MICU2: variants seen among roughly 807,000 people sequenced by gnomAD.
The protein encoded by MICU2 is calcium uptake protein 2, mitochondrial.
Under a neutral mutation model 60.4 loss-of-function variants are expected in MICU2, and 64 were observed. That is an observed-to-expected ratio of 1.06 (90% confidence interval 0.87 to 1.31). The LOEUF is 1.31. MICU2 is among the 50% of genes most tolerant of loss of function. The pLI is 0.00. For missense variants in MICU2, 569 were observed against 531.0 expected (o/e 1.07, Z -0.70); for synonymous variants, 201 against 175.0 (o/e 1.15, Z -1.17).
chr13:21,565,068 G>C (rs541590727), intron 2 of MICU2, among the ~76,000 whole-genome samples: 1 of 152,290 alleles, frequency 6.6e-6, no homozygotes, highest in South Asian at 2.1e-4. Context: ...AATCTAACAG[G>C]AATTCACAAC....
At position 21,493,300 on chromosome 13, in the gene MICU2, G is replaced by A. The variant is rs148469540; in HGVS notation, c.1254C>T (p.Ser418=). The change falls in exon 12 of 12, where the codon AGC becomes AGT. Residue 418 remains serine, a synonymous_variant. Coordinates refer to ENST00000382374, the MANE Select transcript of MICU2 (RefSeq NM_152726.3). ...TCCAGACTTCTTTTACTCCTTTAATGCTTTCTTTCTTCACACACTTCCAGT... is the reference window on the plus strand; with the variant it reads ...TCCAGACTTCTTTTACTCCTTTAATACTTTCTTTCTTCACACACTTCCAGT... ...QEYWKCVKKE[S]IKGVKEVWKQ... is the part of the protein sequence containing the mutation. 82 of 1,610,658 alleles carry A rather than the reference G, an allele frequency of 5.1e-5. No individual in the cohort carries two copies. In the African/African-American group the frequency reaches 1.0e-3, roughly 20 times the overall value.
Position 21,496,126 on chromosome 13 carries a change from TG to T in MICU2, c.967del (p.His323IlefsTer18), listed in dbSNP as rs771923607. ...AAAGTCTTCCAAGTGGGTTGTAAAATGGCAAAATGACTTGAATTCATCCAAA... is the reference window on the plus strand; with the variant it reads ...AAAGTCTTCCAAGTGGGTTGTAAAATGCAAAATGACTTGAATTCATCCAAA... ...ISLDEFKSFCHFTTHLEDFAI... is the reference protein window; with the variant it reads ...ISLDEFKSFCXFTTHLEDFAI... On this transcript the variant is annotated frameshift_variant, in exon 10 of 12. Coordinates refer to ENST00000382374, the MANE Select transcript of MICU2 (RefSeq NM_152726.3). LOFTEE classifies it high-confidence loss of function. 5 of 1,614,018 alleles carry T rather than the reference TG, an allele frequency of 3.1e-6. No homozygotes were observed. In the South Asian group the frequency reaches 4.4e-5, roughly 14 times the overall value.
intron 8 of MICU2, among the ~76,000 whole-genome samples, chr13:21,505,553 C>G (rs973216676): frequency 3.9e-5 from 6 of 152,102 alleles, no homozygotes; most frequent in African/African-American, 1.4e-4. Flanking sequence ...GATATTTCAG[C>G]TGGAAAATCT....
intron 1 of MICU2, among the ~76,000 whole-genome samples, chr13:21,587,503 T>A (rs1888484604): frequency 6.6e-6 from 1 of 152,194 alleles, no homozygotes; most frequent in Non-Finnish European, 1.5e-5. Context: ...GCATGAATCA[T>A]GAGGAAACAT....
At chr13:21,501,313 A>C (rs1286930699) in intron 9 of MICU2, among the ~76,000 whole-genome samples, 1 of 151,554 alleles carries the variant, frequency 6.6e-6, no homozygotes, top group African/African-American at 2.4e-5. Context: ...CCCAGGCTGG[A>C]GTGCAGTGGC....
At chr13:21,501,454 T>A (rs1199947) in intron 9 of MICU2, among the ~76,000 whole-genome samples, 2 of 151,900 alleles carry the variant, frequency 1.3e-5, no homozygotes, top group Admixed American at 1.3e-4. Context: ...AGTAGAGACG[T>A]GGTTTCACCG....
chr13:21,524,401 A>C (rs978583370), intron 4 of MICU2, among the ~76,000 whole-genome samples: 1 of 152,166 alleles, frequency 6.6e-6, no homozygotes, highest in Non-Finnish European at 1.5e-5. Context: ...TTCATAGTAA[A>C]AAATTCAGCC....
chr13:21,555,288 C>A (rs551824614), intron 2 of MICU2, among the ~76,000 whole-genome samples: 2 of 152,194 alleles, frequency 1.3e-5, no homozygotes, highest in South Asian at 2.1e-4. Flanking sequence ...ACTGGCAAAC[C>A]GAATACAGCA....
chr13:21,583,194 A>T (rs150793973), intron 1 of MICU2, among the ~76,000 whole-genome samples: 91 of 152,282 alleles, frequency 6.0e-4, no homozygotes, highest in African/African-American at 2.1e-3. Flanking sequence ...GTTTGCCTTG[A>T]GCTATGATTG....
At position 21,585,354 on chromosome 13, in the gene MICU2, C is replaced by A. The variant is rs186146944; in HGVS notation, c.211-18410G>T. ...TGTTGCAAGAAAGCTTTAGTCTTCA[C>A]TGGGATTACAATGTTTCATGGTTAT... is the stretch of plus-strand genomic sequence containing the variant. On this transcript the variant is annotated intron_variant, in intron 1 of 11. Coordinates refer to ENST00000382374, the MANE Select transcript of MICU2 (RefSeq NM_152726.3). 2.1e-3 allele frequency among the ~76,000 whole-genome samples: 320 copies of A among 152,288 alleles called. 1 individual carries two copies. The highest frequency in any genetic ancestry group is 7.5e-3 in the African/African-American group (310 of 41,548).
chr13:21,534,380 A>G (rs189079113), intron 4 of MICU2, among the ~76,000 whole-genome samples: 1 of 151,924 alleles, frequency 6.6e-6, no homozygotes, highest in African/African-American at 2.4e-5. Context: ...TAATTTTTTT[A>G]TTTTTTGTGG....
intron 2 of MICU2, among the ~76,000 whole-genome samples, chr13:21,564,650 T>G (rs1254373583): frequency 6.6e-6 from 1 of 152,120 alleles, no homozygotes; most frequent in Non-Finnish European, 1.5e-5. Flanking sequence ...ATTTGGGAAT[T>G]TCCATCCCCC....
chr13:21,578,281 T>C (rs1168705480), intron 1 of MICU2, among the ~76,000 whole-genome samples: 1 of 152,066 alleles, frequency 6.6e-6, no homozygotes, highest in African/African-American at 2.4e-5. Context: ...AAACTCAAAG[T>C]GTGTCCTTAA....
At chr13:21,547,154 C>G (rs926729020) in intron 2 of MICU2, among the ~76,000 whole-genome samples, 1 of 152,102 alleles carries the variant, frequency 6.6e-6, no homozygotes, top group Non-Finnish European at 1.5e-5. Flanking sequence ...ATTGCCTAGT[C>G]TCAGAAGTCT....
At chr13:21,509,874 A>G in intron 8 of MICU2, 130 bp downstream of exon 8, 5 of 515,236 alleles carry the variant, frequency 9.7e-6, no homozygotes, top group Non-Finnish European at 1.7e-5. Context: ...TAAATACTAC[A>G]CAGATCCACA....
At chr13:21,516,560 A>G (rs1886575684) in intron 6 of MICU2, among the ~76,000 whole-genome samples, 1 of 152,220 alleles carries the variant, frequency 6.6e-6, no homozygotes, top group African/African-American at 2.4e-5. Flanking sequence ...TGTGGGTTTT[A>G]ATTTCTCTTG....
intron 6 of MICU2, among the ~76,000 whole-genome samples, chr13:21,515,838 T>TG (rs1476900409): frequency 2.0e-5 from 3 of 152,202 alleles, no homozygotes; most frequent in Non-Finnish European, 2.9e-5. Flanking sequence ...TAATTATTTT[T>TG]GGGAAAAAAG....
intron 8 of MICU2, among the ~76,000 whole-genome samples, chr13:21,506,495 C>T (rs1200453983): frequency 2.6e-5 from 4 of 152,234 alleles, no homozygotes; most frequent in Admixed American, 2.6e-4. Flanking sequence ...CTTACAGACA[C>T]TCTTCTGCTA....
At chr13:21,522,816 TAAAA>T (rs980158749) in intron 4 of MICU2, among the ~76,000 whole-genome samples, 166 bp from the exon 5 acceptor site, 1 of 152,146 alleles carries the variant, frequency 6.6e-6, no homozygotes, top group Admixed American at 6.5e-5. Flanking sequence ...GCCTAATACT[TAAAA>T]AAAGAAACTA....
Sources: allele counts gnomAD v4.1 joint callset (sites outside exome capture counted in the v4.1 genomes callset), GRCh38; gene constraint gnomAD v4.1.1; transcripts MANE v1.5; gene names NCBI Gene and HGNC (gene_info 2026-07-23, HGNC 2026-07-21).